NBAS: variants seen among roughly 807,000 people sequenced by gnomAD.
NBAS encodes NBAS subunit of NRZ tethering complex, also known as NAG/BC035112 fusion.
NBAS carries 219 observed loss-of-function variants against 302.5 expected under a neutral mutation model. That is an observed-to-expected ratio of 0.72 (90% confidence interval 0.65 to 0.81). The LOEUF is 0.81. Ranked by LOEUF, NBAS falls within the 30% of genes least tolerant of loss-of-function variation. NBAS has a pLI of 0.00. For synonymous variants in NBAS, 1,118 were observed against 1,021.6 expected (o/e 1.09, Z -1.80); for missense variants, 2,932 against 2,841.6 (o/e 1.03, Z -0.72).
intron 35 of NBAS, among the ~76,000 whole-genome samples, chr2:15,340,224 G>A (rs1345283156): frequency 6.6e-6 from 1 of 152,178 alleles, no homozygotes; most frequent in Non-Finnish European, 1.5e-5. Context: ...TATGACTCTA[G>A]GGGAGATATG....
chr2:14,798,412 C>T, the NBAS span, among the ~76,000 whole-genome samples: 1 of 152,088 alleles, frequency 6.6e-6, no homozygotes, highest in Non-Finnish European at 1.5e-5. Context: ...GTTAAACTTG[C>T]ATTCGTAGAA....
the NBAS span, among the ~76,000 whole-genome samples, chr2:14,888,969 C>T: frequency 1.3e-5 from 2 of 152,216 alleles, no homozygotes; most frequent in South Asian, 4.1e-4. Context: ...TCACTTCCCG[C>T]GGGCCTGTGC....
chr2:15,559,770 G>A (rs1178256795), intron 1 of NBAS, among the ~76,000 whole-genome samples: 1 of 152,166 alleles, frequency 6.6e-6, no homozygotes, highest in African/African-American at 2.4e-5. Context: ...GGGTTTCAAA[G>A]TAAGTTAATT....
chr2:15,374,829 GA>G (rs1674655985), intron 30 of NBAS, 109 bp from the exon 31 acceptor site: 1 of 941,512 alleles, frequency 1.1e-6, no homozygotes, highest in Admixed American at 1.9e-5. Context: ...CACATCCCAG[GA>G]ATTCATTCCG....
the NBAS span, among the ~76,000 whole-genome samples, chr2:14,900,622 C>T: frequency 1.3e-5 from 2 of 152,272 alleles, no homozygotes; most frequent in East Asian, 3.9e-4. Context: ...ATAACAACTC[C>T]ATTATGCCCA....
the NBAS span, among the ~76,000 whole-genome samples, chr2:15,090,888 G>A: frequency 4.7e-4 from 71 of 152,116 alleles, no homozygotes; most frequent in African/African-American, 1.5e-3. Flanking sequence ...CAGTCTTATC[G>A]TGAAGAGAAT....
intron 10 of NBAS, among the ~76,000 whole-genome samples, chr2:15,508,859 C>G (rs1327150361): frequency 6.6e-6 from 1 of 151,964 alleles, no homozygotes; most frequent in Non-Finnish European, 1.5e-5. Flanking sequence ...AAAAATTAGC[C>G]GGGCATGATG....
chr2:15,222,014 C>T lies in NBAS; in HGVS notation c.6237-3046G>A, dbSNP rs573734106. 1.2e-4 allele frequency among the ~76,000 whole-genome samples: 19 copies of T among 152,262 alleles called. No homozygotes were observed. In the East Asian group the frequency reaches 3.1e-3, roughly 25 times the overall value. The stretch of plus-strand genomic sequence containing the variant: ...AGAGCAGAGCCTCAGTTCCCTTATT[C>T]GTATATTGGAGATGGATAACAACAC... On this transcript the variant is annotated intron_variant, in intron 47 of 51. Transcript: ENST00000281513.
the NBAS span, among the ~76,000 whole-genome samples, chr2:15,016,155 G>A: frequency 2.6e-5 from 4 of 152,086 alleles, no homozygotes; most frequent in Non-Finnish European, 5.9e-5. Flanking sequence ...ATGTAGCTGG[G>A]GAGGCCTCAT....
At chr2:15,003,455 C>T in the NBAS span, among the ~76,000 whole-genome samples, 1 of 152,162 alleles carries the variant, frequency 6.6e-6, no homozygotes, top group Non-Finnish European at 1.5e-5. Flanking sequence ...AAACTTACAT[C>T]CCAACACCAA....
In NBAS at chr2:15,321,230, A is replaced by G. The variant is rs1233637257; in HGVS notation, c.4582+6520T>C. Among the ~76,000 whole-genome samples, 4 of 152,206 alleles carry G rather than the reference A, an allele frequency of 2.6e-5. No homozygotes were observed. In the East Asian group the frequency reaches 7.7e-4, roughly 29 times the overall value. ...AAACTGGATCCCTTCTTTACACCTT[A>G]TACAAAAATTAATTCAAGACGGATT... On this transcript the variant is annotated intron_variant, in intron 38 of 51. Transcript: ENST00000281513.
At chr2:15,328,396 G>T in intron 36 of NBAS, 84 bp from the exon 37 acceptor site, 1 of 1,138,330 alleles carries the variant, frequency 8.8e-7, no homozygotes, top group Non-Finnish European at 1.3e-6. Context: ...GGAAAGAAGG[G>T]AGAGAGGGAG....
At chr2:15,006,967 C>G in the NBAS span, among the ~76,000 whole-genome samples, 1 of 152,176 alleles carries the variant, frequency 6.6e-6, no homozygotes, top group Non-Finnish European at 1.5e-5. Context: ...TGAGCCTTCA[C>G]TTAGGATCTA....
At chr2:14,960,967 C>A in the NBAS span, among the ~76,000 whole-genome samples, 1 of 152,084 alleles carries the variant, frequency 6.6e-6, no homozygotes, top group East Asian at 1.9e-4. Flanking sequence ...GTCACCCTGA[C>A]AGCAGCAGAC....
chr2:15,045,526 T>C, the NBAS span, among the ~76,000 whole-genome samples: 1 of 152,210 alleles, frequency 6.6e-6, no homozygotes, highest in Non-Finnish European at 1.5e-5. Flanking sequence ...GTTTTTTTAA[T>C]TTAAAAAAAT....
the NBAS span, among the ~76,000 whole-genome samples, chr2:14,940,482 C>A: frequency 1.3e-5 from 2 of 152,180 alleles, no homozygotes; most frequent in East Asian, 1.9e-4. Flanking sequence ...AATTCAACTT[C>A]TTTTCATTAT....
At chr2:14,884,205 CAG>C in the NBAS span, among the ~76,000 whole-genome samples, 8 of 152,172 alleles carry the variant, frequency 5.3e-5, no homozygotes, top group East Asian at 1.9e-4. Flanking sequence ...CTGATTTTTA[CAG>C]AGAGTTGGGC....
rs528018105 is a variant in NBAS at position 15,433,909 on chromosome 2, G to A, written c.2340-6115C>T. 1.3e-4 allele frequency among the ~76,000 whole-genome samples: 19 copies of A among 151,474 alleles called. No homozygotes were observed. The East Asian group carries it at 1.4e-3, about 11-fold the overall frequency. ...AGCCCAGGAGTTTGAGACCAGCCCC[G>A]GCAACAGAGCAAGACCTCATCTCTT... is the stretch of plus-strand genomic sequence containing the variant. On this transcript the variant is annotated intron_variant, in intron 21 of 51. Transcript: ENST00000281513.
intron 11 of NBAS, among the ~76,000 whole-genome samples, chr2:15,494,491 T>A (rs1050301528): frequency 1.3e-5 from 2 of 152,224 alleles, no homozygotes; most frequent in Non-Finnish European, 2.9e-5. Context: ...TAACACATCT[T>A]AATCGTAAAT....
Sources: allele counts gnomAD v4.1 joint callset (sites outside exome capture counted in the v4.1 genomes callset), GRCh38; gene constraint gnomAD v4.1.1; transcripts MANE v1.5; gene names NCBI Gene and HGNC (gene_info 2026-07-23, HGNC 2026-07-21).